Variants in CNTNAP3 observed in about 807,000 individuals in gnomAD.
CNTNAP3 encodes the protein contactin-associated protein-like 3.
CNTNAP3 carries 36 observed loss-of-function variants against 92.1 expected under a neutral mutation model. The observed-to-expected ratio is 0.39, with a 90% CI of 0.30 to 0.52. The LOEUF is 0.52. CNTNAP3 is among the 20% of genes least tolerant of loss of function. The pLI is 0.76. For missense variants in CNTNAP3, 534 were observed against 1,069.6 expected, an observed-to-expected ratio of 0.50 and a Z score of 6.98; for synonymous variants, 232 against 422.3, an observed-to-expected ratio of 0.55 and a Z score of 5.53.
intron 10 of CNTNAP3, among the ~76,000 whole-genome samples, chr9:39,145,944 C>G (rs1293434207): frequency 1.4e-5 from 2 of 145,442 alleles, no homozygotes; most frequent in Non-Finnish European, 3.0e-5. Context: ...TATAATGGAG[C>G]ATCTTAAGAT....
At chr9:39,102,280 A>G (rs1238502987) in intron 17 of CNTNAP3, among the ~76,000 whole-genome samples, 5 of 148,516 alleles carry the variant, frequency 3.4e-5, no homozygotes, top group African/African-American at 1.3e-4. Context: ...ACTCTGTCTG[A>G]AAACAAAAAC....
intron 9 of CNTNAP3, among the ~76,000 whole-genome samples, chr9:39,152,737 G>A (rs1255296140): frequency 7.0e-6 from 1 of 141,898 alleles, no homozygotes; most frequent in Non-Finnish European, 1.5e-5. Context: ...CTCACTGCAA[G>A]CTCCACCACC....
At chr9:39,119,355 CAA>C (rs35344011) in intron 13 of CNTNAP3, among the ~76,000 whole-genome samples, 13 of 101,240 alleles carry the variant, frequency 1.3e-4, no homozygotes, top group Admixed American at 3.4e-4. Context: ...GCCCCTCTGC[CAA>C]AAAAAAAAAA....
intron 7 of CNTNAP3, chr9:39,174,677 A>G (rs928413724): frequency 1.5e-6 from 1 of 652,426 alleles, no homozygotes; most frequent in African/African-American, 1.8e-5. Flanking sequence ...AACTTTAAAC[A>G]TTGAAAGAAG....
intron 18 of CNTNAP3, among the ~76,000 whole-genome samples, chr9:39,099,254 C>G (rs1826395983): frequency 6.6e-6 from 1 of 152,090 alleles, no homozygotes; most frequent in Admixed American, 6.6e-5. Context: ...ACGCCCAGCC[C>G]TTTTCTTTTG....
chr9:39,204,981 T>G (rs1482019623), intron 3 of CNTNAP3, among the ~76,000 whole-genome samples: 6 of 82,744 alleles, frequency 7.3e-5, no homozygotes, highest in Non-Finnish European at 1.0e-4. Context: ...ATCATCATCA[T>G]CATCATCATC....
At chr9:39,111,619 G>A (rs1350144644) in intron 14 of CNTNAP3, among the ~76,000 whole-genome samples, 1 of 152,104 alleles carries the variant, frequency 6.6e-6, no homozygotes, top group Non-Finnish European at 1.5e-5. Context: ...TATTAATGTG[G>A]TGGTAGCCAT....
At chr9:39,112,535 T>A (rs1820729813) in intron 14 of CNTNAP3, among the ~76,000 whole-genome samples, 1 of 152,066 alleles carries the variant, frequency 6.6e-6, no homozygotes, top group Non-Finnish European at 1.5e-5. Flanking sequence ...TCAGCTAATT[T>A]TTGTATTTTT....
chr9:39,089,887 T>A (rs1180885045), intron 18 of CNTNAP3, among the ~76,000 whole-genome samples: 1 of 152,208 alleles, frequency 6.6e-6, no homozygotes, highest in Non-Finnish European at 1.5e-5. Context: ...AAGCTTTACC[T>A]ATTATTTAAT....
rs1470256161 is a variant in CNTNAP3 at position 39,065,109 on chromosome 9, T to A, written c.*8781A>T. 2.0e-5 allele frequency among the ~76,000 whole-genome samples: 3 copies of A among 152,362 alleles called. No homozygotes were observed. Among genetic ancestry groups the A allele is most frequent in the African/African-American group, 7.2e-5 (3 of 41,546 alleles). On this transcript the variant is annotated 3_prime_UTR_variant, in exon 24 of 24. Coordinates refer to ENST00000297668, the MANE Select transcript of CNTNAP3 (RefSeq NM_033655.5). ...TCAATCAAGACATAGAACATTTCCA[T>A]CACTCCAGAAACTTCCCTTGTGTTT...
rs1825629929 is a variant in CNTNAP3 at position 39,071,255 on chromosome 9, T to A, written c.*2635A>T. Reference sequence around the variant, plus strand: ...AGAGTAATAGAGACACGGGGTAGAATATGTCACGTATCAGTAGTAACTACT... The same window carrying A: ...AGAGTAATAGAGACACGGGGTAGAAAATGTCACGTATCAGTAGTAACTACT... On this transcript the variant is annotated 3_prime_UTR_variant, in exon 24 of 24. Transcript: ENST00000297668. 1.3e-5 allele frequency among the ~76,000 whole-genome samples: 2 copies of A among 151,048 alleles called. No individual in the cohort carries two copies. The highest frequency in any genetic ancestry group is 2.5e-5 in the African/African-American group (1 of 40,650).
At chr9:39,121,946 C>A (rs1258431787) in intron 13 of CNTNAP3, among the ~76,000 whole-genome samples, 1 of 152,130 alleles carries the variant, frequency 6.6e-6, no homozygotes, top group African/African-American at 2.4e-5. Flanking sequence ...CCAGCACCAG[C>A]CCCCTCTACC....
intron 21 of CNTNAP3, among the ~76,000 whole-genome samples, chr9:39,083,834 A>C (rs1046205390): frequency 2.6e-5 from 4 of 151,894 alleles, no homozygotes; most frequent in Admixed American, 6.6e-5. Context: ...ATTCAAAGCT[A>C]TATAGAAAAT....
chr9:39,110,594 A>C lies in CNTNAP3; in HGVS notation c.2238-1307T>G, dbSNP rs1450194554. ...AAATGCACACGTCTGGGTCCAATACAAAGAGACCTGGAGGATCCCCTAGGG... is the reference window on the plus strand; with the variant it reads ...AAATGCACACGTCTGGGTCCAATACCAAGAGACCTGGAGGATCCCCTAGGG... On this transcript the variant is annotated intron_variant, in intron 14 of 23. Transcript: ENST00000297668. Among the ~76,000 whole-genome samples, 6 of 152,268 alleles carry C rather than the reference A, an allele frequency of 3.9e-5. No individual in the cohort carries two copies. In the East Asian group the frequency reaches 1.2e-3, roughly 29 times the overall value.
rs557216803 is a variant in CNTNAP3 at position 39,092,807 on chromosome 9, T to C, written c.2996-4160A>G. ...TAATTATCCTTTATTGTAAGTGAAGTATTGAATCCTCCAGGTTTTATTCCT... is the reference window on the plus strand; with the variant it reads ...TAATTATCCTTTATTGTAAGTGAAGCATTGAATCCTCCAGGTTTTATTCCT... On this transcript the variant is annotated intron_variant, in intron 18 of 23. Transcript: ENST00000297668. 7.2e-5 allele frequency among the ~76,000 whole-genome samples: 10 copies of C among 139,554 alleles called. 3 individuals carry two copies. The South Asian group carries it at 1.9e-3, about 26-fold the overall frequency. 91.6% of individuals were successfully genotyped at this position (139,554 alleles called of 152,430 possible).
chr9:39,088,222 G>C (rs895600033), intron 19 of CNTNAP3, among the ~76,000 whole-genome samples: 7 of 151,008 alleles, frequency 4.6e-5, no homozygotes, highest in South Asian at 2.1e-4. Flanking sequence ...AACATGTAAT[G>C]GGAGAAAAGC....
chr9:39,140,528 T>C lies in CNTNAP3; in HGVS notation c.1867A>G (p.Asn623Asp), dbSNP rs1821549868. The change falls in exon 12 of 24, where the codon AAT becomes GAT. Residue 623 changes from asparagine to aspartate, a missense_variant. Transcript: ENST00000297668. ...GPLGPFLVYC[N>D]MTADAAWTVV... is the part of the protein sequence containing the mutation. The stretch of plus-strand genomic sequence containing the variant: ...ACGATTATCAACATACCTGTCATAT[T>C]GCAGTACACAAGAAATGGTCCCAGG... The C allele has an allele frequency of 6.2e-7, 1 of 1,613,638 alleles. No homozygotes were observed. The highest frequency in any genetic ancestry group is 1.3e-5 in the African/African-American group (1 of 74,910).
chr9:39,079,560 C>A (rs1304647308), intron 21 of CNTNAP3, among the ~76,000 whole-genome samples: 1 of 152,006 alleles, frequency 6.6e-6, no homozygotes, highest in Admixed American at 6.5e-5. Context: ...ATTGTAAGAG[C>A]ATTTAACTGT....
intron 13 of CNTNAP3, among the ~76,000 whole-genome samples, chr9:39,126,878 A>T (rs1182754527): frequency 1.3e-5 from 2 of 152,114 alleles, no homozygotes; most frequent in Non-Finnish European, 2.9e-5. Flanking sequence ...GATATACAAG[A>T]TCTGAACAAC....
Sources: gnomAD v4.1 joint callset for allele counts (sites outside exome capture counted in the v4.1 genomes callset) on GRCh38, gnomAD v4.1.1 for gene constraint, MANE v1.5 for transcripts, NCBI Gene and HGNC (gene_info 2026-07-23, HGNC 2026-07-21) for gene names.